NEGR1: variants seen among roughly 807,000 people sequenced by gnomAD.
NEGR1 encodes IgLON family member 4.
A neutral mutation model predicts 40.9 loss-of-function variants in NEGR1; 10 were observed. The observed-to-expected ratio is 0.24, with a 90% confidence interval of 0.15 to 0.42. The LOEUF is 0.42. Among genes scored for constraint, NEGR1 ranks in the 10% least tolerant of loss-of-function variants. The pLI is 1.00. For synonymous variants in NEGR1, 185 were observed against 166.8 expected, an observed-to-expected ratio of 1.11 and a Z score of -0.84; for missense variants, 352 against 438.9, an observed-to-expected ratio of 0.80 and a Z score of 1.77.
chr1:72,216,409 A>ATC (rs1420962407), intron 1 of NEGR1, among the ~76,000 whole-genome samples: 2 of 146,866 alleles, frequency 1.4e-5, no homozygotes, highest in Non-Finnish European at 3.0e-5. Context: ...ATACATATAT[A>ATC]TATATATGTA....
intron 2 of NEGR1, among the ~76,000 whole-genome samples, chr1:71,791,220 T>G (rs1211632393): frequency 6.6e-6 from 1 of 152,104 alleles, no homozygotes; most frequent in Non-Finnish European, 1.5e-5. Flanking sequence ...ATTTTAAGCA[T>G]ATTCATTATT....
At position 72,279,929 on chromosome 1, in the gene NEGR1, T is replaced by G. The variant is rs557300193; in HGVS notation, c.176+2390A>C. On this transcript the variant is annotated intron_variant, in intron 1 of 6. Coordinates refer to ENST00000357731, the MANE Select transcript of NEGR1 (RefSeq NM_173808.3). ...GGATAATTCTTAGAGAATTTCAGAA[T>G]TACTGTAAGCAAATTGCTTTGAGTA... Among the ~76,000 whole-genome samples the G allele has an allele frequency of 2.0e-5, 3 of 152,340 alleles. No individual in the cohort carries two copies. The East Asian group carries it at 5.8e-4, about 29-fold the overall frequency.
chr1:71,597,491 T>TGTGTGTGTGTGC (rs1384583331), intron 5 of NEGR1, among the ~76,000 whole-genome samples: 1 of 147,956 alleles, frequency 6.8e-6, no homozygotes, highest in Non-Finnish European at 1.5e-5. Flanking sequence ...TGTGTGTGTG[T>TGTGTGTGTGTGC]GTGTGTGTGT....
chr1:72,007,056 C>T (rs1339235560), intron 1 of NEGR1, among the ~76,000 whole-genome samples: 1 of 152,054 alleles, frequency 6.6e-6, no homozygotes, highest in Non-Finnish European at 1.5e-5. Flanking sequence ...CAAACTTTTT[C>T]ATCTAAAATA....
At chr1:72,094,736 T>C (rs988254815) in intron 1 of NEGR1, among the ~76,000 whole-genome samples, 12 of 152,196 alleles carry the variant, frequency 7.9e-5, no homozygotes, top group African/African-American at 2.7e-4. Flanking sequence ...AAACTGAAGA[T>C]TGTTTTTAGA....
Position 71,401,600 on chromosome 1 carries a change from G to A in NEGR1, c.*5846C>T, listed in dbSNP as rs1015177570. 6 of 152,130 alleles carry A rather than the reference G, an allele frequency of 3.9e-5. No homozygotes were observed. The highest frequency in any genetic ancestry group is 1.4e-4 in the African/African-American group (6 of 41,420). The allele number at this position is 152,130 out of a possible 1,614,324, so 9.4% of individuals were successfully genotyped here. On this transcript the variant is annotated 3_prime_UTR_variant, in exon 7 of 7. Coordinates refer to ENST00000357731, the MANE Select transcript of NEGR1 (RefSeq NM_173808.3). ...TGTCCCAGCACAAACAGATGTTCATGTTAGTATTTCAATATAAATGGCCTC... is the reference window on the plus strand; with the variant it reads ...TGTCCCAGCACAAACAGATGTTCATATTAGTATTTCAATATAAATGGCCTC...
chr1:71,955,579 G>A (rs924299107), intron 1 of NEGR1, among the ~76,000 whole-genome samples: 2 of 152,028 alleles, frequency 1.3e-5, no homozygotes, highest in Non-Finnish European at 2.9e-5. Context: ...ATTCTTGTTT[G>A]CATCAGCCAT....
At chr1:71,976,077 T>C (rs1192528222) in intron 1 of NEGR1, among the ~76,000 whole-genome samples, 1 of 152,240 alleles carries the variant, frequency 6.6e-6, no homozygotes, top group Non-Finnish European at 1.5e-5. Context: ...GTTCTAGTGT[T>C]GGTCTCTATA....
rs1236252216 is a variant in NEGR1 at position 71,401,865 on chromosome 1, A to C, written c.*5581T>G. The C allele has an allele frequency of 6.6e-6, 1 of 152,188 alleles. No individual in the cohort carries two copies. Among genetic ancestry groups the C allele is most frequent in the Non-Finnish European group, 1.5e-5 (1 of 68,030 alleles). The allele number at this position is 152,188 out of a possible 1,614,324, so 9.4% of individuals were successfully genotyped here. A position where few individuals can be genotyped will look rare whatever the true frequency, so the allele number is the denominator to read the frequency against. On this transcript the variant is annotated 3_prime_UTR_variant, in exon 7 of 7. Coordinates refer to ENST00000357731, the MANE Select transcript of NEGR1 (RefSeq NM_173808.3). Reference sequence around the variant, plus strand: ...TCATACAACCCAAGGCTGTGTGTCCAAAGGCAACTGTACTGTGAGTTTCAC... The same window carrying C: ...TCATACAACCCAAGGCTGTGTGTCCCAAGGCAACTGTACTGTGAGTTTCAC...
chr1:71,511,322 A>G (rs1264116401), intron 6 of NEGR1, among the ~76,000 whole-genome samples: 2 of 152,212 alleles, frequency 1.3e-5, no homozygotes, highest in Non-Finnish European at 2.9e-5. Context: ...TTAGTTTCTC[A>G]TGTATAAATT....
chr1:71,819,990 A>C (rs1226571332), intron 2 of NEGR1, among the ~76,000 whole-genome samples: 1 of 152,038 alleles, frequency 6.6e-6, no homozygotes. Context: ...GCTGTTACAG[A>C]TTGTGTCCCA....
chr1:71,555,010 G>C (rs1517751), intron 6 of NEGR1, among the ~76,000 whole-genome samples: 4,101 of 151,562 alleles, frequency 0.027, 161 homozygotes, highest in African/African-American at 0.076. Flanking sequence ...TCATTAAAAG[G>C]AATCTATTTT....
chr1:72,027,608 T>C (rs1396523587), intron 1 of NEGR1, among the ~76,000 whole-genome samples: 2 of 152,174 alleles, frequency 1.3e-5, no homozygotes, highest in Non-Finnish European at 2.9e-5. Flanking sequence ...TGCAACTTTT[T>C]ATTAGTCTTT....
intron 1 of NEGR1, among the ~76,000 whole-genome samples, chr1:72,193,372 C>G (rs777752730): frequency 1.3e-5 from 2 of 151,708 alleles, no homozygotes; most frequent in Non-Finnish European, 2.9e-5. Flanking sequence ...AGCACACAAT[C>G]AGGAATATCT....
intron 1 of NEGR1, among the ~76,000 whole-genome samples, chr1:72,193,698 AT>A (rs1179356280): frequency 6.6e-6 from 1 of 151,362 alleles, no homozygotes; most frequent in Non-Finnish European, 1.5e-5. Flanking sequence ...ATATGCTATT[AT>A]TTTCTGTATA....
intron 1 of NEGR1, among the ~76,000 whole-genome samples, chr1:72,205,450 T>C (rs1023830146): frequency 1.3e-5 from 2 of 151,532 alleles, no homozygotes; most frequent in African/African-American, 4.8e-5. Flanking sequence ...AGAATAAAAC[T>C]GCATATTCAA....
At chr1:71,610,055 TC>T (rs745962383) in intron 5 of NEGR1, among the ~76,000 whole-genome samples, 1 of 152,174 alleles carries the variant, frequency 6.6e-6, no homozygotes, top group Non-Finnish European at 1.5e-5. Flanking sequence ...TCCTGTGACC[TC>T]CCCAGCCATG....
intron 5 of NEGR1, among the ~76,000 whole-genome samples, chr1:71,607,671 C>T (rs920033063): frequency 6.6e-6 from 1 of 152,012 alleles, no homozygotes; most frequent in African/African-American, 2.4e-5. Flanking sequence ...GCTAAATAGA[C>T]AGCTTTTTAT....
intron 6 of NEGR1, among the ~76,000 whole-genome samples, chr1:71,528,045 G>A (rs867409336): frequency 6.6e-6 from 1 of 151,202 alleles, no homozygotes; most frequent in Non-Finnish European, 1.5e-5. Context: ...TGGTTCAAAC[G>A]CTTTGCTAAG....
Sources: gnomAD v4.1 joint callset for allele counts (sites outside exome capture counted in the v4.1 genomes callset) on GRCh38, gnomAD v4.1.1 for gene constraint, MANE v1.5 for transcripts, NCBI Gene and HGNC (gene_info 2026-07-23, HGNC 2026-07-21) for gene names.